Variants in PTAR1 observed in about 807,000 individuals in gnomAD.
The protein encoded by PTAR1 is protein prenyltransferase alpha subunit repeat-containing protein 1.
In PTAR1, 17 loss-of-function variants were observed where a neutral mutation model predicts 45.5. That is an observed-to-expected ratio of 0.37 (90% CI 0.26 to 0.56). The LOEUF (loss-of-function observed/expected upper bound fraction) is 0.56. Ranked by LOEUF, PTAR1 falls within the 20% of genes least tolerant of loss-of-function variation. The pLI, the probability that PTAR1 is intolerant of heterozygous loss-of-function variation, is 0.77. For synonymous variants in PTAR1, 169 were observed against 171.3 expected (o/e 0.99, Z 0.11); for missense variants, 391 against 476.3 (o/e 0.82, Z 1.67).
chr9:69,744,040 C>A (rs1048271069), intron 2 of PTAR1, among the ~76,000 whole-genome samples: 2 of 152,178 alleles, frequency 1.3e-5, no homozygotes, highest in African/African-American at 4.8e-5. Context: ...TGGAACTTCA[C>A]ACATAGTCTG....
intron 5 of PTAR1, among the ~76,000 whole-genome samples, chr9:69,726,010 T>C (rs1183362631): frequency 1.3e-5 from 2 of 152,138 alleles, no homozygotes; most frequent in Non-Finnish European, 2.9e-5. Flanking sequence ...AGGGATAACG[T>C]GCTAAAAATG....
At chr9:69,750,402 A>C (rs1481700293) in intron 2 of PTAR1, among the ~76,000 whole-genome samples, 2 of 152,068 alleles carry the variant, frequency 1.3e-5, no homozygotes, top group Non-Finnish European at 2.9e-5. Context: ...CTGCCTATAA[A>C]AATACTAAAG....
chr9:69,745,867 T>C (rs1180384175), intron 2 of PTAR1, among the ~76,000 whole-genome samples: 1 of 152,238 alleles, frequency 6.6e-6, no homozygotes, highest in Non-Finnish European at 1.5e-5. Flanking sequence ...AAGCCTGTAT[T>C]TTCTAGTCCA....
Position 69,718,553 on chromosome 9 carries a change from G to T in PTAR1, c.998C>A (p.Ser333Tyr). The T allele has an allele frequency of 6.2e-7, 1 of 1,613,694 alleles. No individual in the cohort carries two copies. The highest frequency in any genetic ancestry group is 8.5e-7 in the Non-Finnish European group (1 of 1,179,700). The change falls in exon 8 of 8, where the codon TCT (serine) becomes TAT (tyrosine). Residue 333 changes from serine to tyrosine, a missense_variant. Ser to Tyr is a moderately radical substitution (Grantham distance 144). Transcript: ENST00000340434. The stretch of plus-strand genomic sequence containing the variant: ...CAGTCCATCTACTTCCATTGCTTGA[G>T]ACAGCTGGGAGCCTGCTGGGATAAG... ...QHHLNAGSQL[S>Y]QAMEVDGLND...
rs1824723690 is a variant in PTAR1, at chr9:69,716,245, T to C, written c.*2097A>G. 6.6e-6 allele frequency: 1 copy of C among 152,086 alleles called. No homozygotes were observed. Among genetic ancestry groups the C allele is most frequent in the Non-Finnish European group, 1.5e-5 (1 of 68,008 alleles). The allele number at this position is 152,086 out of a possible 1,614,324, so 9.4% of individuals were successfully genotyped here. A position where few individuals can be genotyped will look rare whatever the true frequency, so the allele number is the denominator to read the frequency against. ...AACCACCCATGTCTTCTCTGTGTAG[T>C]TTGCCCCCAAACACTCACAGGAGCT... On this transcript the variant is annotated 3_prime_UTR_variant, in exon 8 of 8. Coordinates refer to ENST00000340434, the MANE Select transcript of PTAR1 (RefSeq NM_001099666.2).
At chr9:69,749,039 A>G (rs1261720170) in intron 2 of PTAR1, among the ~76,000 whole-genome samples, 1 of 152,154 alleles carries the variant, frequency 6.6e-6, no homozygotes, top group Non-Finnish European at 1.5e-5. Context: ...TTTAGATGCC[A>G]GCTATTCATG....
intron 5 of PTAR1, among the ~76,000 whole-genome samples, chr9:69,731,195 CAAAG>C (rs1825517466): frequency 6.6e-6 from 1 of 152,054 alleles, no homozygotes; most frequent in Non-Finnish European, 1.5e-5. Context: ...GGCCAGGAAA[CAAAG>C]AGAGAAATGG....
At chr9:69,755,365 T>G (rs1439298402) in intron 1 of PTAR1, among the ~76,000 whole-genome samples, 2 of 152,198 alleles carry the variant, frequency 1.3e-5, no homozygotes, top group African/African-American at 4.8e-5. Context: ...CCAGATGATG[T>G]TCACAGTTCA....
intron 3 of PTAR1, among the ~76,000 whole-genome samples, chr9:69,739,246 G>A (rs573060524): frequency 6.6e-6 from 1 of 152,246 alleles, no homozygotes; most frequent in South Asian, 2.1e-4. Flanking sequence ...TAGGCTATGA[G>A]TTCAGAACAT....
At chr9:69,743,382 G>A (rs1191044424) in intron 2 of PTAR1, among the ~76,000 whole-genome samples, 1 of 151,906 alleles carries the variant, frequency 6.6e-6, no homozygotes, top group Non-Finnish European at 1.5e-5. Context: ...ATATCTAAGA[G>A]CAAATACACA....
At chr9:69,733,134 AAAT>A (rs1825618446) in intron 4 of PTAR1, among the ~76,000 whole-genome samples, 1 of 152,116 alleles carries the variant, frequency 6.6e-6, no homozygotes, top group Non-Finnish European at 1.5e-5. Flanking sequence ...TTTAACAACA[AAAT>A]ATTGCTTGAT....
In PTAR1 at chr9:69,723,649, G is replaced by T. The variant is rs764044973; in HGVS notation, c.643-19C>A. ...GAAGAATCTTTTAAGAAGAAAAAAG[G>T]GAAGTAAGAAGAAGAGTTCCCAAAG... On this transcript the variant is annotated intron_variant, in intron 5 of 7. Coordinates refer to ENST00000340434, the MANE Select transcript of PTAR1 (RefSeq NM_001099666.2). 6.4e-7 allele frequency: 1 copy of T among 1,570,412 alleles called. No individual in the cohort carries two copies. Among genetic ancestry groups the T allele is most frequent in the South Asian group, 1.2e-5 (1 of 86,082 alleles).
chr9:69,727,576 A>G (rs552762997), intron 5 of PTAR1, among the ~76,000 whole-genome samples: 1 of 152,074 alleles, frequency 6.6e-6, no homozygotes, highest in African/African-American at 2.4e-5. Flanking sequence ...AGCATCACAA[A>G]TTGAACAGGG....
At position 69,741,705 on chromosome 9, in the gene PTAR1, C is replaced by T. The variant is rs1290840928; in HGVS notation, c.323+87G>A. ...AATAAGTGTAAAATGGTTTATATTT[C>T]GTTTTCAAAAGCTAACAACTTATGG... On this transcript the variant is annotated intron_variant, in intron 3 of 7. Transcript: ENST00000340434. 1.7e-5 allele frequency: 14 copies of T among 828,750 alleles called. No homozygotes were observed. The Admixed American group carries it at 2.5e-4, about 15-fold the overall frequency. 51.3% of individuals were successfully genotyped at this position (828,750 alleles called of 1,614,324 possible).
Position 69,741,860 on chromosome 9 carries a change from T to TA in PTAR1, c.257-3dup, listed in dbSNP as rs1373313899. ...GGGTACATGTGACATCTATCAATTC[T>TA]AAAATAAAGAGAAGTCATATTAAAA... On this transcript the variant is annotated splice_polypyrimidine_tract_variant and splice_region_variant and intron_variant, in intron 2 of 7. Transcript: ENST00000340434. 1 of 1,577,536 alleles carries TA rather than the reference T, an allele frequency of 6.3e-7. No homozygotes were observed. Among genetic ancestry groups the TA allele is most frequent in the East Asian group, 2.3e-5 (1 of 44,034 alleles).
chr9:69,739,300 T>C (rs1482536617), intron 3 of PTAR1, among the ~76,000 whole-genome samples: 1 of 152,010 alleles, frequency 6.6e-6, no homozygotes, highest in Admixed American at 6.6e-5. Context: ...TGCTCAAAGG[T>C]GTTTTGCTTA....
chr9:69,737,764 G>T (rs1203892196), intron 3 of PTAR1, among the ~76,000 whole-genome samples: 1 of 152,106 alleles, frequency 6.6e-6, no homozygotes, highest in Non-Finnish European at 1.5e-5. Flanking sequence ...CAACAATCCT[G>T]TAAGGTAAAT....
Position 69,711,686 on chromosome 9 carries a change from T to C in PTAR1, c.*6656A>G, listed in dbSNP as rs1459766347. The C allele has an allele frequency of 3.9e-5, 6 of 152,310 alleles. No individual in the cohort carries two copies. The highest frequency in any genetic ancestry group is 3.4e-3 in the Middle Eastern group (1 of 294). 9.4% of individuals were successfully genotyped at this position (152,310 alleles called of 1,614,324 possible). A position where few individuals can be genotyped will look rare whatever the true frequency, so the allele number is the denominator to read the frequency against. The stretch of plus-strand genomic sequence containing the variant: ...GCCAGCTGCTTATTAAGACATTTAA[T>C]TACATTTATTAATATGCCTTGCACA... On this transcript the variant is annotated 3_prime_UTR_variant, in exon 8 of 8. Coordinates refer to ENST00000340434, the MANE Select transcript of PTAR1 (RefSeq NM_001099666.2).
intron 2 of PTAR1, among the ~76,000 whole-genome samples, chr9:69,746,339 AAGTGACTTC>A (rs568530175): frequency 3.7e-4 from 56 of 152,340 alleles, no homozygotes; most frequent in Non-Finnish European, 6.8e-4. Context: ...AGTCATTGCT[AAGTGACTTC>A]AGTGTGCTGA....
Sources: gnomAD v4.1 joint callset for allele counts (sites outside exome capture counted in the v4.1 genomes callset) on GRCh38, gnomAD v4.1.1 for gene constraint, MANE v1.5 for transcripts, NCBI Gene and HGNC (gene_info 2026-07-23, HGNC 2026-07-21) for gene names.